KAZN: variants seen among roughly 807,000 people sequenced by gnomAD.
KAZN encodes the protein kazrin, periplakin interacting protein.
A neutral mutation model predicts 87.4 loss-of-function variants in KAZN; 40 were observed. That is an observed-to-expected ratio of 0.46 (90% CI 0.36 to 0.60). The LOEUF (loss-of-function observed/expected upper bound fraction) is 0.60, where lower values mean the gene tolerates loss of function less well. KAZN is among the 20% of genes least tolerant of loss of function. The pLI is 0.00. For missense variants in KAZN, 898 were observed against 1,073.9 expected (o/e 0.84, Z 2.29); for synonymous variants, 466 against 458.3 (o/e 1.02, Z -0.22).
intron 1 of KAZN, among the ~76,000 whole-genome samples, chr1:13,900,581 C>T (rs1349644394): frequency 6.6e-6 from 1 of 152,148 alleles, no homozygotes; most frequent in Admixed American, 6.5e-5. Context: ...GTGAGCAGCA[C>T]GGGCCTCCCA....
At chr1:14,046,455 A>C (rs1570605858) in intron 1 of KAZN, among the ~76,000 whole-genome samples, 1 of 152,318 alleles carries the variant, frequency 6.6e-6, no homozygotes, top group East Asian at 1.9e-4. Flanking sequence ...CATAAGAAGA[A>C]AGATGAAAGA....
intron 1 of KAZN, among the ~76,000 whole-genome samples, chr1:14,731,644 A>G (rs1237186554): frequency 1.3e-5 from 2 of 152,238 alleles, no homozygotes; most frequent in Non-Finnish European, 2.9e-5. Flanking sequence ...CTCAGAGACC[A>G]GAGAAGCTGA....
At chr1:14,905,284 C>G (rs1241131573) in intron 1 of KAZN, among the ~76,000 whole-genome samples, 1 of 152,170 alleles carries the variant, frequency 6.6e-6, no homozygotes, top group East Asian at 1.9e-4. Flanking sequence ...GTCTCAAACT[C>G]CTGGCCTCAA....
intron 1 of KAZN, among the ~76,000 whole-genome samples, chr1:14,615,787 G>A (rs1293688989): frequency 6.6e-6 from 1 of 152,216 alleles, no homozygotes; most frequent in African/African-American, 2.4e-5. Context: ...CTGAGACACT[G>A]GTTCAGTCAA....
chr1:14,798,713 C>T (rs996202805), intron 1 of KAZN, among the ~76,000 whole-genome samples: 2 of 152,058 alleles, frequency 1.3e-5, no homozygotes, highest in Non-Finnish European at 2.9e-5. Flanking sequence ...GGATTACAGG[C>T]GTGAGCCACC....
chr1:13,907,335 G>A (rs1162813134), intron 1 of KAZN, among the ~76,000 whole-genome samples: 1 of 152,150 alleles, frequency 6.6e-6, no homozygotes, highest in East Asian at 1.9e-4. Context: ...AGTGGCCCCT[G>A]GGGACTGTGC....
chr1:14,310,820 A>C (rs1655231528), intron 2 of KAZN, among the ~76,000 whole-genome samples: 1 of 152,222 alleles, frequency 6.6e-6, no homozygotes, highest in South Asian at 2.1e-4. Flanking sequence ...CAAAGGATGC[A>C]TCACAAATGC....
intron 1 of KAZN, among the ~76,000 whole-genome samples, chr1:14,097,716 G>A (rs1188963683): frequency 6.6e-6 from 1 of 152,160 alleles, no homozygotes; most frequent in Non-Finnish European, 1.5e-5. Context: ...ATACTTCACT[G>A]CCTCTCATAT....
rs562508875 is a variant in KAZN, at chr1:15,047,257, G to A, written c.726+3098G>A. Reference sequence around the variant, plus strand: ...TGACTGCAGGTTCCCTCCATTGCCCGCCATGCCTAAAGTTTCACCGCCAGG... The same window carrying A: ...TGACTGCAGGTTCCCTCCATTGCCCACCATGCCTAAAGTTTCACCGCCAGG... On this transcript the variant is annotated intron_variant, in intron 4 of 14. Coordinates refer to ENST00000376030, the MANE Select transcript of KAZN (RefSeq NM_201628.3). 8.9e-4 allele frequency among the ~76,000 whole-genome samples: 135 copies of A among 152,254 alleles called. 2 individuals are homozygous for A. Among genetic ancestry groups the A allele is most frequent in the East Asian group, 3.9e-3 (20 of 5,186 alleles).
At chr1:14,549,999 G>T (rs1673405844) in intron 2 of KAZN, among the ~76,000 whole-genome samples, 1 of 152,250 alleles carries the variant, frequency 6.6e-6, no homozygotes, top group African/African-American at 2.4e-5. Context: ...GTAGTGGAAA[G>T]ATTTTCAGAT....
intron 3 of KAZN, among the ~76,000 whole-genome samples, chr1:15,037,013 T>C (rs1377991378): frequency 1.3e-5 from 2 of 151,918 alleles, no homozygotes; most frequent in Non-Finnish European, 2.9e-5. Context: ...GCCTTCCCCC[T>C]GTGCAGCGCG....
chr1:14,080,776 C>G (rs1319893062), intron 1 of KAZN, among the ~76,000 whole-genome samples: 4 of 152,180 alleles, frequency 2.6e-5, no homozygotes, highest in African/African-American at 9.7e-5. Flanking sequence ...ACATAGCCAG[C>G]TTGTGTAACT....
intron 2 of KAZN, among the ~76,000 whole-genome samples, chr1:14,380,667 G>C (rs929654259): frequency 1.3e-5 from 2 of 152,018 alleles, no homozygotes; most frequent in Non-Finnish European, 2.9e-5. Context: ...AAAATACACA[G>C]TCAGAGGAAA....
intron 1 of KAZN, among the ~76,000 whole-genome samples, chr1:14,863,195 G>T (rs990548137): frequency 6.6e-6 from 1 of 152,130 alleles, no homozygotes; most frequent in Non-Finnish European, 1.5e-5. Flanking sequence ...TGCTGTTCTC[G>T]CGTTTGCCAT....
intron 1 of KAZN, among the ~76,000 whole-genome samples, chr1:14,703,569 A>G (rs976101999): frequency 2.6e-5 from 4 of 152,170 alleles, no homozygotes; most frequent in Admixed American, 2.6e-4. Flanking sequence ...TTTTTCTTTT[A>G]TAAATTACCC....
chr1:14,380,806 A>G (rs1484701772), intron 2 of KAZN, among the ~76,000 whole-genome samples: 1 of 152,232 alleles, frequency 6.6e-6, no homozygotes, highest in Non-Finnish European at 1.5e-5. Context: ...TAGAAAGTTT[A>G]GTAAAAGGGA....
intron 2 of KAZN, among the ~76,000 whole-genome samples, chr1:14,993,657 G>A (rs1008136264): frequency 1.3e-5 from 2 of 152,118 alleles, no homozygotes; most frequent in African/African-American, 2.4e-5. Flanking sequence ...GGGGGTGATC[G>A]CGCTGACCCT....
chr1:14,577,045 T>A (rs1162766087), intron 2 of KAZN, among the ~76,000 whole-genome samples: 1 of 152,194 alleles, frequency 6.6e-6, no homozygotes, highest in Non-Finnish European at 1.5e-5. Flanking sequence ...GTGCTACTGA[T>A]TAAAATGTGA....
chr1:14,278,722 C>G (rs1402310822), intron 2 of KAZN, among the ~76,000 whole-genome samples: 1 of 152,128 alleles, frequency 6.6e-6, no homozygotes, highest in African/African-American at 2.4e-5. Context: ...GATCTGTTTC[C>G]TAAGACTTTT....
Sources: allele counts gnomAD v4.1 joint callset (sites outside exome capture counted in the v4.1 genomes callset), GRCh38; gene constraint gnomAD v4.1.1; transcripts MANE v1.5; gene names NCBI Gene and HGNC (gene_info 2026-07-23, HGNC 2026-07-21).